SUSD5: variants seen among roughly 807,000 people sequenced by gnomAD.
SUSD5 encodes the protein sushi domain-containing protein 5.
In SUSD5, 33 loss-of-function variants were observed where a neutral mutation model predicts 29.5. The observed-to-expected ratio is 1.12, with a 90% confidence interval of 0.85 to 1.49. SUSD5 has a LOEUF of 1.49. SUSD5 is among the 40% of genes most tolerant of loss of function. The pLI is 0.00. For missense variants in SUSD5, 776 were observed against 800.6 expected, an observed-to-expected ratio of 0.97 and a Z score of 0.37; for synonymous variants, 308 against 325.3, an observed-to-expected ratio of 0.95 and a Z score of 0.57.
intron 4 of SUSD5, among the ~76,000 whole-genome samples, chr3:33,156,975 A>G (rs1464863691): frequency 1.3e-5 from 2 of 152,244 alleles, no homozygotes; most frequent in Non-Finnish European, 2.9e-5. Flanking sequence ...AGAAAAGGAC[A>G]GCCCAATCAC....
rs1369498838 is a variant in SUSD5, at chr3:33,151,268, A to C, written c.*1474T>G. 6.6e-6 allele frequency: 1 copy of C among 152,202 alleles called. No homozygotes were observed. Among genetic ancestry groups the C allele is most frequent in the Non-Finnish European group, 1.5e-5 (1 of 68,032 alleles). The allele number at this position is 152,202 out of a possible 1,614,324, so 9.4% of individuals were successfully genotyped here. ...GTGGGACTAGAGAATTTGCATCTCC[A>C]ACAAATTCCCAGGTGACGCTGATGC... is the stretch of plus-strand genomic sequence containing the variant. On this transcript the variant is annotated 3_prime_UTR_variant, in exon 5 of 5. Coordinates refer to ENST00000309558, the MANE Select transcript of SUSD5 (RefSeq NM_015551.2).
At chr3:33,208,510 C>T (rs2032265659) in intron 2 of SUSD5, among the ~76,000 whole-genome samples, 2 of 152,054 alleles carry the variant, frequency 1.3e-5, no homozygotes, top group South Asian at 2.1e-4. Context: ...CTCCTGTCTA[C>T]TAATACTTAA....
In SUSD5 at chr3:33,218,695, G is replaced by C. The variant is rs2032469445; in HGVS notation, c.103C>G (p.Arg35Gly). The change falls in exon 1 of 5, where the codon CGG becomes GGG. Residue 35 changes from arginine to glycine, a missense_variant. Arg to Gly is a moderately radical substitution (Grantham distance 125). Coordinates refer to ENST00000309558, the MANE Select transcript of SUSD5 (RefSeq NM_015551.2). The stretch of plus-strand genomic sequence containing the variant: ...CCTCCCGCACACTCACCATCCGCCC[G>C]CACCGAAAGGCGCGGCAGACCGAGC... ...LLLGLPRLSV[R>G]ADGKFFVLES... 2 of 1,309,516 alleles carry C rather than the reference G, an allele frequency of 1.5e-6. No individual in the cohort carries two copies. Among genetic ancestry groups the C allele is most frequent in the South Asian group, 4.2e-5 (2 of 47,948 alleles). 81.1% of individuals were successfully genotyped at this position (1,309,516 alleles called of 1,614,324 possible).
chr3:33,177,209 C>G (rs1160301400), intron 3 of SUSD5, among the ~76,000 whole-genome samples: 1 of 152,156 alleles, frequency 6.6e-6, no homozygotes, highest in Non-Finnish European at 1.5e-5. Flanking sequence ...CTCCCACAAG[C>G]TTAGCATTCC....
At chr3:33,163,337 G>T (rs1448074541) in intron 4 of SUSD5, among the ~76,000 whole-genome samples, 2 of 151,852 alleles carry the variant, frequency 1.3e-5, no homozygotes, top group Non-Finnish European at 2.9e-5. Context: ...GGTAAGCTGG[G>T]TTAAGCTTTA....
chr3:33,200,622 GCCCA>G (rs1182978917), intron 3 of SUSD5, among the ~76,000 whole-genome samples: 1 of 152,164 alleles, frequency 6.6e-6, no homozygotes, highest in African/African-American at 2.4e-5. Context: ...TCTGGTGAGG[GCCCA>G]GAAGGAAACG....
At chr3:33,193,856 C>T (rs186605319) in intron 3 of SUSD5, among the ~76,000 whole-genome samples, 99 of 152,194 alleles carry the variant, frequency 6.5e-4, no homozygotes, top group Non-Finnish European at 1.1e-3. Context: ...GAAACAAAAA[C>T]GATAATAGCC....
At chr3:33,201,857 C>T (rs776660941) in intron 3 of SUSD5, among the ~76,000 whole-genome samples, 2 of 152,092 alleles carry the variant, frequency 1.3e-5, no homozygotes, top group South Asian at 2.1e-4. Flanking sequence ...TCTTCCTGTC[C>T]GCCATGTCCT....
At chr3:33,189,090 G>A (rs187087543) in intron 3 of SUSD5, among the ~76,000 whole-genome samples, 9 of 152,274 alleles carry the variant, frequency 5.9e-5, no homozygotes, top group Admixed American at 5.2e-4. Context: ...AATAAACCCT[G>A]CGTCAATCAA....
chr3:33,206,487 T>C (rs2032222734), intron 3 of SUSD5, among the ~76,000 whole-genome samples: 1 of 151,454 alleles, frequency 6.6e-6, no homozygotes, highest in African/African-American at 2.4e-5. Flanking sequence ...CCACAGATAC[T>C]GCTCTCCCTG....
rs906608380 is a variant in SUSD5 at position 33,204,284 on chromosome 3, T to C, written c.409+3524A>G. Reference sequence around the variant, plus strand: ...CTCCAAAGTGTTGGGACTACAGGCATAAGCCACCATGCCCAGCCTGAGCTT... The same window carrying C: ...CTCCAAAGTGTTGGGACTACAGGCACAAGCCACCATGCCCAGCCTGAGCTT... On this transcript the variant is annotated intron_variant, in intron 3 of 4. Transcript: ENST00000309558. The surrounding 1 kb of genome is among the most constrained non-coding windows in gnomAD (Gnocchi z 4.5). Among the ~76,000 whole-genome samples, 4 of 152,112 alleles carry C rather than the reference T, an allele frequency of 2.6e-5. No individual in the cohort carries two copies. The highest frequency in any genetic ancestry group is 5.9e-5 in the Non-Finnish European group (4 of 68,024).
At chr3:33,203,903 C>G (rs1358151884) in intron 3 of SUSD5, among the ~76,000 whole-genome samples, 1 of 151,968 alleles carries the variant, frequency 6.6e-6, no homozygotes, top group African/African-American at 2.4e-5. Context: ...GTATGTAGAC[C>G]ATTTGTTGTT....
intron 3 of SUSD5, among the ~76,000 whole-genome samples, chr3:33,187,489 C>T (rs974699697): frequency 5.9e-5 from 9 of 152,126 alleles, no homozygotes; most frequent in Admixed American, 3.9e-4. Flanking sequence ...CAACCAAGTG[C>T]GTGCCAAAAA....
intron 3 of SUSD5, among the ~76,000 whole-genome samples, chr3:33,201,883 C>A (rs1374203593): frequency 2.0e-5 from 3 of 152,192 alleles, no homozygotes; most frequent in Non-Finnish European, 4.4e-5. Context: ...CTCTTCCCCA[C>A]CTATTATCCC....
In SUSD5 at chr3:33,218,546, G is replaced by A. The variant is rs543017895; in HGVS notation, c.112+140C>T. ...GCCAGGAGAGGGATGCTGGGTCGCA[G>A]GACCGCGGCTCGTTCGTTCCTCTCA... On this transcript the variant is annotated intron_variant, in intron 1 of 4. Transcript: ENST00000309558. 2.5e-4 allele frequency: 197 copies of A among 778,042 alleles called. 2 individuals are homozygous for A. The South Asian group carries it at 9.1e-3, about 36-fold the overall frequency. The allele number at this position is 778,042 out of a possible 1,614,324, so 48.2% of individuals were successfully genotyped here. A position where few individuals can be genotyped will look rare whatever the true frequency, so the allele number is the denominator to read the frequency against.
At chr3:33,174,744 C>T in intron 4 of SUSD5, 142 bp downstream of exon 4, 1 of 855,954 alleles carries the variant, frequency 1.2e-6, no homozygotes, top group South Asian at 1.8e-5. Context: ...TTGCTAGGTC[C>T]AGAGCTCAGG....
chr3:33,195,736 A>T (rs2031982297), intron 3 of SUSD5, among the ~76,000 whole-genome samples: 1 of 119,752 alleles, frequency 8.4e-6, no homozygotes, highest in Admixed American at 9.4e-5. Flanking sequence ...ATCTATAGCC[A>T]TATAAATGAA....
chr3:33,180,695 C>T (rs1053724674), intron 3 of SUSD5, among the ~76,000 whole-genome samples: 3 of 151,940 alleles, frequency 2.0e-5, no homozygotes, highest in Admixed American at 6.6e-5. Flanking sequence ...AAAAAATTAT[C>T]CAGGCGTGGT....
chr3:33,173,603 C>T (rs551197625), intron 4 of SUSD5, among the ~76,000 whole-genome samples: 40 of 152,310 alleles, frequency 2.6e-4, no homozygotes, highest in African/African-American at 7.7e-4. Context: ...TGTGACAGCA[C>T]CCTAGGTCTC....
Sources: allele counts gnomAD v4.1 joint callset (sites outside exome capture counted in the v4.1 genomes callset), GRCh38; gene constraint gnomAD v4.1.1; non-coding constraint Gnocchi (gnomAD v3.1); transcripts MANE v1.5; gene names NCBI Gene and HGNC (gene_info 2026-07-23, HGNC 2026-07-21).